Variants in CYP4F2 observed in about 807,000 individuals in gnomAD.
CYP4F2 encodes cytochrome P450 4F2.
Under a neutral mutation model 58.9 loss-of-function variants are expected in CYP4F2, and 58 were observed. The observed-to-expected ratio is 0.98, with a 90% CI of 0.80 to 1.23. The LOEUF (loss-of-function observed/expected upper bound fraction) is 1.23, where lower values mean the gene tolerates loss of function less well. Ranked by LOEUF, CYP4F2 falls within the 50% of genes most tolerant of loss-of-function variation. The pLI, the probability that CYP4F2 is intolerant of heterozygous loss-of-function variation, is 0.00. For synonymous variants in CYP4F2, 287 were observed against 261.1 expected, an observed-to-expected ratio of 1.10 and a Z score of -0.95; for missense variants, 616 against 685.6, an observed-to-expected ratio of 0.90 and a Z score of 1.13.
intron 9 of CYP4F2, among the ~76,000 whole-genome samples, chr19:15,881,114 C>T (rs376274497): frequency 1.3e-5 from 2 of 152,260 alleles, no homozygotes; most frequent in African/African-American, 2.4e-5. Flanking sequence ...CGATGGAATA[C>T]TATACAGCTA....
chr19:15,889,882 A>T (rs752303967), intron 6 of CYP4F2, among the ~76,000 whole-genome samples, 189 bp from the exon 7 acceptor site: 2 of 152,072 alleles, frequency 1.3e-5, no homozygotes, highest in African/African-American at 2.4e-5. Context: ...CCTGCATCCC[A>T]TCTCTGTGAG....
At chr19:15,897,344 CCCTAAGCCTCGT>C in intron 2 of CYP4F2, 58 bp downstream of exon 2, 1 of 1,147,404 alleles carries the variant, frequency 8.7e-7, no homozygotes, top group Non-Finnish European at 1.3e-6. Context: ...CACCCCCACT[CCCTAAGCCTCGT>C]ACCCCTCAGG....
intron 3 of CYP4F2, chr19:15,893,789 T>G: frequency 4.1e-6 from 1 of 243,686 alleles, no homozygotes; most frequent in South Asian, 7.6e-5. Context: ...TGTGGATGAC[T>G]GCCTGCCAGG....
chr19:15,882,327 G>A (rs2089351014), intron 9 of CYP4F2, among the ~76,000 whole-genome samples: 2 of 152,118 alleles, frequency 1.3e-5, no homozygotes, highest in Non-Finnish European at 2.9e-5. Context: ...CTGAGGGAGG[G>A]ATAGAGAAGG....
In CYP4F2 at chr19:15,879,757, T is replaced by C; in HGVS notation, c.1249+7A>G. On this transcript the variant is annotated splice_region_variant and intron_variant, in intron 10 of 12. Transcript: ENST00000221700. ...CAGGAGACTCCTCCCCGTGAGGCTGTGAGCACCTTTGGGGATGACCCGGCC... is the reference window on the plus strand; with the variant it reads ...CAGGAGACTCCTCCCCGTGAGGCTGCGAGCACCTTTGGGGATGACCCGGCC... 6.2e-7 allele frequency: 1 copy of C among 1,614,002 alleles called. No individual in the cohort carries two copies. The highest frequency in any genetic ancestry group is 8.5e-7 in the Non-Finnish European group (1 of 1,179,940).
intron 7 of CYP4F2, among the ~76,000 whole-genome samples, chr19:15,888,363 C>T (rs184845302): frequency 2.0e-5 from 3 of 151,814 alleles, no homozygotes; most frequent in East Asian, 2.0e-4. Context: ...CAGACACACA[C>T]GCACATAGAC....
chr19:15,884,368 C>T (rs569053485), intron 9 of CYP4F2, among the ~76,000 whole-genome samples: 7 of 152,172 alleles, frequency 4.6e-5, no homozygotes, highest in African/African-American at 1.2e-4. Context: ...AGTTGATTAA[C>T]GGGCATAAAT....
intron 9 of CYP4F2, 64 bp downstream of exon 9, chr19:15,885,859 TC>T: frequency 1.3e-6 from 2 of 1,563,628 alleles, no homozygotes; most frequent in Non-Finnish European, 1.7e-6. Flanking sequence ...TTTCCTCCCC[TC>T]CCCACCTGGG....
At chr19:15,888,417 C>A (rs1466673877) in intron 7 of CYP4F2, among the ~76,000 whole-genome samples, 1 of 151,638 alleles carries the variant, frequency 6.6e-6, no homozygotes, top group Non-Finnish European at 1.5e-5. Context: ...TACACATAAA[C>A]ATAGACATAG....
intron 3 of CYP4F2, among the ~76,000 whole-genome samples, chr19:15,894,206 G>A (rs62104894): frequency 0.15 from 22,872 of 152,058 alleles, 1,795 homozygotes; most frequent in Non-Finnish European, 0.17. Flanking sequence ...CAAGCCTGAG[G>A]CCTAAGACTA....
At position 15,878,879 on chromosome 19, in the gene CYP4F2, C is replaced by G. The variant is rs2089323201; in HGVS notation, c.1455G>C (p.Thr485=). The G allele has an allele frequency of 6.2e-7, 1 of 1,613,932 alleles. No homozygotes were observed. Among genetic ancestry groups the G allele is most frequent in the Non-Finnish European group, 8.5e-7 (1 of 1,180,016 alleles). ...MAEMKVVLAL[T]LLRFRVLPDH... is the part of the protein sequence containing the mutation. ...CAGGCAGGACGCGGAAGCGCAGCAG[C>G]GTGAGCGCCAGGACCACCTTCATCT... The change falls in exon 13 of 13, where the codon ACG becomes ACC. Residue 485 remains threonine (T), a synonymous_variant. Coordinates refer to ENST00000221700, the MANE Select transcript of CYP4F2 (RefSeq NM_001082.5).
chr19:15,896,767 GC>G (rs2089450696), intron 2 of CYP4F2, among the ~76,000 whole-genome samples: 1 of 152,176 alleles, frequency 6.6e-6, no homozygotes, highest in Non-Finnish European at 1.5e-5. Flanking sequence ...CATCAATCCT[GC>G]CATTTGCAAA....
In CYP4F2 at chr19:15,897,588, C is replaced by A; in HGVS notation, c.24G>T (p.Trp8Cys). The A allele has an allele frequency of 6.2e-7, 1 of 1,613,694 alleles. No homozygotes were observed. The highest frequency in any genetic ancestry group is 8.5e-7 in the Non-Finnish European group (1 of 1,179,854). Residue 8 changes from tryptophan to cysteine, a missense_variant, in exon 2 of 13, where the codon TGG becomes TGT. Transcript: ENST00000221700. MSQLSLS[W>C]LGLWPVAASP... ...ATGCTGCCACTGGCCAGAGGCCCAG[C>A]CAGGACAGGCTCAGCTGGGACATCC... is the stretch of plus-strand genomic sequence containing the variant.
Position 15,892,522 on chromosome 19 carries a change from T to TGA in CYP4F2, c.397+6_397+7insTC. The TGA allele has an allele frequency of 3.7e-6, 6 of 1,614,092 alleles. No homozygotes were observed. In the South Asian group the frequency reaches 6.6e-5, roughly 18 times the overall value. On this transcript the variant is annotated splice_region_variant and intron_variant, in intron 4 of 12. Transcript: ENST00000221700. ...TTTCCCAACCCTGTTCACCTGCAGA[T>TGA]ACTCACCCAGCCAGGGCTCCAGGAA... is the stretch of plus-strand genomic sequence containing the variant.
rs3093157 is a variant in CYP4F2, at chr19:15,889,510, A to G, written c.831T>C (p.Thr277=). The G allele has an allele frequency of 7.2e-4, 1,169 of 1,614,132 alleles. 5 individuals are homozygous for G. The African/African-American group carries it at 0.013, about 18-fold the overall frequency. ...AGTCATCAACACCCTGGCTAGGGAG[A>G]GTGCGGCGCCGCTCCTGGATGACGG... ...TDAVIQERRR[T]LPSQGVDDFL... is the part of the protein sequence containing the mutation. The change falls in exon 7 of 13, where the codon ACT becomes ACC. Residue 277 remains threonine (T), a synonymous_variant. Transcript: ENST00000221700.
In CYP4F2 at chr19:15,892,348, G is replaced by A; in HGVS notation, c.486C>T (p.Pro162=). 1 of 1,614,124 alleles carries A rather than the reference G, an allele frequency of 6.2e-7. No homozygotes were observed. Among genetic ancestry groups the A allele is most frequent in the Non-Finnish European group, 8.5e-7 (1 of 1,180,028 alleles). ...TPAFHFNILK[P]YMKIFNESVN... is the part of the protein sequence containing the mutation. ...CACTCTCATTGAAAATCTTCATATA[G>A]GGCTTCAGGATGTTGAAATGGAAGG... Residue 162 remains proline (P), a synonymous_variant, in exon 5 of 13, where the codon CCC becomes CCT. Transcript: ENST00000221700.
chr19:15,881,417 G>C (rs978018036), intron 9 of CYP4F2, among the ~76,000 whole-genome samples: 8 of 152,136 alleles, frequency 5.3e-5, no homozygotes, highest in Non-Finnish European at 1.2e-4. Context: ...ATGATTCAGA[G>C]ATAGATGATA....
Position 15,878,865 on chromosome 19 carries a change from C to G in CYP4F2, c.1469G>C (p.Arg490Pro). 1 of 1,614,016 alleles carries G rather than the reference C, an allele frequency of 6.2e-7. No individual in the cohort carries two copies. The highest frequency in any genetic ancestry group is 8.5e-7 in the Non-Finnish European group (1 of 1,179,976). ...VVLALTLLRFRVLPDHTEPRR... is the reference protein window; with the variant it reads ...VVLALTLLRFPVLPDHTEPRR... ...GGGCTCGGTGTGGTCAGGCAGGACG[C>G]GGAAGCGCAGCAGCGTGAGCGCCAG... Residue 490 changes from arginine to proline, a missense_variant, in exon 13 of 13, where the codon CGC becomes CCC. By Grantham distance (103) the Arg-to-Pro change is moderately radical. Coordinates refer to ENST00000221700, the MANE Select transcript of CYP4F2 (RefSeq NM_001082.5).
intron 7 of CYP4F2, among the ~76,000 whole-genome samples, chr19:15,887,094 G>A (rs2089384696): frequency 6.6e-6 from 1 of 152,132 alleles, no homozygotes; most frequent in Admixed American, 6.5e-5. Flanking sequence ...CAAAGACATA[G>A]ACACAGACAC....
Sources: gnomAD v4.1 joint callset for allele counts (sites outside exome capture counted in the v4.1 genomes callset) on GRCh38, gnomAD v4.1.1 for gene constraint, MANE v1.5 for transcripts, NCBI Gene and HGNC (gene_info 2026-07-23, HGNC 2026-07-21) for gene names.